The following BRDT variants were observed in gnomAD, a reference collection of about 807,000 sequenced individuals.
BRDT encodes the protein bromodomain testis-specific protein.
A neutral mutation model predicts 113.9 loss-of-function variants in BRDT; 77 were observed. The ratio of observed to expected loss-of-function variants is 0.68; its 90% CI spans 0.56 to 0.82. The LOEUF (loss-of-function observed/expected upper bound fraction) is 0.82. Among genes scored for constraint, BRDT ranks in the 40% least tolerant of loss-of-function variants. The probability of loss-of-function intolerance (pLI) is 0.00; values close to 1 mark genes in which losing one functional copy is unlikely to be tolerated. For missense variants in BRDT, 1,027 were observed against 1,105.4 expected (o/e 0.93, Z 1.01); for synonymous variants, 358 against 366.5 (o/e 0.98, Z 0.26).
At chr1:91,967,989 T>C (rs1172689683) in intron 3 of BRDT, among the ~76,000 whole-genome samples, 157 bp from the exon 4 acceptor site, 1 of 152,168 alleles carries the variant, frequency 6.6e-6, no homozygotes, top group Non-Finnish European at 1.5e-5. Flanking sequence ...AATAAGAAAA[T>C]AAAATGTGAG....
intron 1 of BRDT, among the ~76,000 whole-genome samples, chr1:91,960,424 G>C (rs1252802422): frequency 6.6e-6 from 1 of 152,152 alleles, no homozygotes; most frequent in Non-Finnish European, 1.5e-5. Context: ...TTTGTATTAG[G>C]AAAAATAAAC....
chr1:91,960,661 T>A (rs1165333795), intron 1 of BRDT, among the ~76,000 whole-genome samples: 1 of 152,180 alleles, frequency 6.6e-6, no homozygotes, highest in Non-Finnish European at 1.5e-5. Context: ...ACTGTACACT[T>A]AAAAAGAGTA....
chr1:91,974,045 C>T (rs1683879212), intron 4 of BRDT, among the ~76,000 whole-genome samples: 1 of 152,130 alleles, frequency 6.6e-6, no homozygotes, highest in Admixed American at 6.5e-5. Context: ...AAAGGATTCC[C>T]TATTTAATAA....
At chr1:91,967,760 C>T (rs1163832705) in intron 3 of BRDT, among the ~76,000 whole-genome samples, 3 of 152,034 alleles carry the variant, frequency 2.0e-5, no homozygotes, top group Non-Finnish European at 2.9e-5. Flanking sequence ...CTCGAACTCC[C>T]GACCTCAGAT....
intron 15 of BRDT, among the ~76,000 whole-genome samples, chr1:91,997,817 T>G (rs1304997081): frequency 6.6e-6 from 1 of 152,252 alleles, no homozygotes; most frequent in East Asian, 1.9e-4. Context: ...GGTGGCACTA[T>G]GCCCAAGGGA....
At chr1:91,964,443 GC>G (rs1473266328) in intron 2 of BRDT, among the ~76,000 whole-genome samples, 183 bp from the exon 3 acceptor site, 1 of 152,122 alleles carries the variant, frequency 6.6e-6, no homozygotes. Context: ...TGATCCTCCT[GC>G]CTTGGCCTCC....
Position 91,980,899 on chromosome 1 carries a change from A to G in BRDT, c.1471A>G (p.Lys491Glu). Reference protein sequence around the residue: ...KEKSKRNQPKKRKQQFIGLKS... With the variant: ...KEKSKRNQPKERKQQFIGLKS... Reference sequence around the variant, plus strand: ...TAGTTTTTGTTACAGTCAGCCAAAGAAAAGGAAACAACAGTTCATTGGTCT... The same window carrying G: ...TAGTTTTTGTTACAGTCAGCCAAAGGAAAGGAAACAACAGTTCATTGGTCT... The change falls in exon 10 of 19, where the codon AAA becomes GAA. Residue 491 changes from lysine (K) to glutamate (E), a missense_variant. Transcript: ENST00000399546. 6.2e-7 allele frequency: 1 copy of G among 1,601,246 alleles called. No individual in the cohort carries two copies. Among genetic ancestry groups the G allele is most frequent in the Non-Finnish European group, 8.5e-7 (1 of 1,176,224 alleles).
In BRDT at chr1:91,994,081, A is replaced by G; in HGVS notation, c.2116-2A>G. The G allele has an allele frequency of 6.3e-7, 1 of 1,593,972 alleles. No individual in the cohort carries two copies. The highest frequency in any genetic ancestry group is 1.2e-5 in the South Asian group (1 of 86,618). The stretch of plus-strand genomic sequence containing the variant: ...GTGATAACTTTGATTTTGTTTTAAC[A>G]GATAGGATATTGTGTGCAAGACACA... On this transcript the variant is annotated splice_acceptor_variant, in intron 14 of 18. Transcript: ENST00000399546. LOFTEE classifies it high-confidence loss of function.
chr1:91,993,944 T>C, intron 14 of BRDT, 139 bp from the exon 15 acceptor site: 1 of 719,644 alleles, frequency 1.4e-6, no homozygotes, highest in Non-Finnish European at 2.1e-6. Flanking sequence ...CTATACATTA[T>C]AGATTTGTGT....
intron 15 of BRDT, among the ~76,000 whole-genome samples, chr1:91,997,192 G>C (rs1173544453): frequency 6.6e-6 from 1 of 152,040 alleles, no homozygotes; most frequent in Non-Finnish European, 1.5e-5. Context: ...TGGAGAGAGA[G>C]CATTACATTG....
chr1:92,007,566 T>C (rs770097629), intron 18 of BRDT, among the ~76,000 whole-genome samples: 1 of 152,232 alleles, frequency 6.6e-6, no homozygotes, highest in Non-Finnish European at 1.5e-5. Flanking sequence ...AGACATGATC[T>C]CCTTCTTTAT....
chr1:91,987,876 GTC>G (rs1283060335), intron 12 of BRDT, among the ~76,000 whole-genome samples: 1 of 151,656 alleles, frequency 6.6e-6, no homozygotes, highest in African/African-American at 2.4e-5. Flanking sequence ...TTGAGACAGA[GTC>G]TCGCAGTTTC....
chr1:91,951,027 A>G (rs1681013404), intron 1 of BRDT, among the ~76,000 whole-genome samples: 2 of 71,562 alleles, frequency 2.8e-5, no homozygotes, highest in African/African-American at 7.1e-5. Flanking sequence ...CTCCGTCTCA[A>G]AAAAAAAAAA....
intron 4 of BRDT, among the ~76,000 whole-genome samples, chr1:91,969,303 A>G (rs1399713036): frequency 6.6e-6 from 1 of 151,444 alleles, no homozygotes; most frequent in Non-Finnish European, 1.5e-5. Context: ...TGCCTGAGAT[A>G]TAGGAGGCTT....
chr1:91,973,355 C>G (rs12727756), intron 4 of BRDT, among the ~76,000 whole-genome samples: 27,392 of 151,954 alleles, frequency 0.18, 3,119 homozygotes, highest in Middle Eastern at 0.28. Context: ...GGCATTGAAT[C>G]TATAAATTAC....
chr1:92,010,267 A>ATTT (rs373305680), intron 18 of BRDT, among the ~76,000 whole-genome samples: 11,048 of 100,890 alleles, frequency 0.11, 837 homozygotes, highest in Admixed American at 0.19. Flanking sequence ...TGCTCTTTTA[A>ATTT]TTTTTTTTTT....
intron 2 of BRDT, among the ~76,000 whole-genome samples, chr1:91,963,548 A>G (rs1402496506): frequency 6.6e-6 from 1 of 152,146 alleles, no homozygotes; most frequent in Non-Finnish European, 1.5e-5. Context: ...TTCTCTTGAC[A>G]CTTCCTGGCA....
intron 18 of BRDT, among the ~76,000 whole-genome samples, chr1:92,010,055 C>T (rs1258476862): frequency 6.6e-6 from 1 of 151,864 alleles, no homozygotes; most frequent in Non-Finnish European, 1.5e-5. Flanking sequence ...TTGCCTTTAA[C>T]ATTTGTATTG....
chr1:91,968,183 A>G lies in BRDT; in HGVS notation c.368A>G (p.Glu123Gly), dbSNP rs1410495693. 6.2e-7 allele frequency: 1 copy of G among 1,613,940 alleles called. No homozygotes were observed. The highest frequency in any genetic ancestry group is 1.3e-5 in the African/African-American group (1 of 74,920). The change falls in exon 4 of 19, where the codon GAG (glutamate) becomes GGG (glycine). Residue 123 changes from glutamate (E) to glycine (G), a missense_variant. Coordinates refer to ENST00000399546, the MANE Select transcript of BRDT (RefSeq NM_207189.4). ...DDIVLMAQAL[E>G]KLFMQKLSQM... is the part of the protein sequence containing the mutation. Reference sequence around the variant, plus strand: ...ATTGTTCTTATGGCACAAGCTCTAGAGAAGCTGTTTATGCAGAAATTATCT... The same window carrying G: ...ATTGTTCTTATGGCACAAGCTCTAGGGAAGCTGTTTATGCAGAAATTATCT...
Sources: gnomAD v4.1 joint callset for allele counts (sites outside exome capture counted in the v4.1 genomes callset) on GRCh38, gnomAD v4.1.1 for gene constraint, MANE v1.5 for transcripts, NCBI Gene and HGNC (gene_info 2026-07-23, HGNC 2026-07-21) for gene names.